PDE10A: variants seen among roughly 807,000 people sequenced by gnomAD.
PDE10A encodes cAMP and cAMP-inhibited cGMP 3',5'-cyclic phosphodiesterase 10A.
PDE10A carries 39 observed loss-of-function variants against 97.7 expected under a neutral mutation model. The ratio of observed to expected loss-of-function variants is 0.40; its 90% CI spans 0.31 to 0.52. The LOEUF is 0.52. PDE10A is among the 20% of genes least tolerant of loss of function. PDE10A has a pLI of 0.56. For synonymous variants in PDE10A, 371 were observed against 376.8 expected (o/e 0.98, Z 0.18); for missense variants, 731 against 1,047.8 (o/e 0.70, Z 4.17).
At chr6:165,444,989 ATTT>A (rs3082849) in intron 5 of PDE10A, among the ~76,000 whole-genome samples, 35,329 of 151,914 alleles carry the variant, frequency 0.23, 4,286 homozygotes, top group South Asian at 0.34. Flanking sequence ...ATAGTATATA[ATTT>A]TTGTTGTGAA....
At chr6:165,664,991 AT>A (rs1377097436), upstream of PDE10A, among the ~76,000 whole-genome samples, 1 of 152,234 alleles carries the variant, frequency 6.6e-6, no homozygotes, top group Non-Finnish European at 1.5e-5. Context: ...CCCTTATTAA[AT>A]CAGGAGGCAA....
In PDE10A at chr6:165,329,371, T is replaced by C. The variant is rs1781217058; in HGVS notation, c.*3654A>G. On this transcript the variant is annotated 3_prime_UTR_variant, in exon 22 of 22. Coordinates refer to ENST00000539869, the MANE Select transcript of PDE10A (RefSeq NM_001385079.1). ...CTTGATAAAATGAATTGTGCGTTCC[T>C]GCAAATATTTTCAATTATACTTAAG... The C allele has an allele frequency of 6.6e-6, 1 of 152,214 alleles. No individual in the cohort carries two copies. Among genetic ancestry groups the C allele is most frequent in the Non-Finnish European group, 1.5e-5 (1 of 68,034 alleles). 9.4% of individuals were successfully genotyped at this position (152,214 alleles called of 1,614,324 possible). A position where few individuals can be genotyped will look rare whatever the true frequency, so the allele number is the denominator to read the frequency against.
At chr6:165,814,101 A>G (rs1216985235) in intron 1 of PDE10A, among the ~76,000 whole-genome samples, 1 of 152,246 alleles carries the variant, frequency 6.6e-6, no homozygotes, top group Non-Finnish European at 1.5e-5. Context: ...GTTATGAAAT[A>G]CACGGTATAT....
At chr6:165,932,959 G>A (rs1006857735) in intron 1 of PDE10A, among the ~76,000 whole-genome samples, 2 of 152,214 alleles carry the variant, frequency 1.3e-5, no homozygotes, top group African/African-American at 2.4e-5. Flanking sequence ...GACCAAAGAG[G>A]AGGGAGAGAG....
chr6:165,594,000 T>C (rs978505132), intron 1 of PDE10A, among the ~76,000 whole-genome samples: 1 of 152,244 alleles, frequency 6.6e-6, no homozygotes, highest in Non-Finnish European at 1.5e-5. Context: ...CCAATTACTT[T>C]GTATAATATT....
At position 165,423,736 on chromosome 6, in the gene PDE10A, G is replaced by A. The variant is rs374650688; in HGVS notation, c.1653+4922C>T. Among the ~76,000 whole-genome samples, 14 of 151,716 alleles carry A rather than the reference G, an allele frequency of 9.2e-5. No homozygotes were observed. The East Asian group carries it at 1.5e-3, about 17-fold the overall frequency. ...AAAAATTAAGCAGGTGTGGTGGCGC[G>A]TGCCTGTAGTCCCAGCTACTCGGGA... On this transcript the variant is annotated intron_variant, in intron 10 of 21. Coordinates refer to ENST00000539869, the MANE Select transcript of PDE10A (RefSeq NM_001385079.1).
chr6:165,412,593 A>G (rs568806933), intron 13 of PDE10A, among the ~76,000 whole-genome samples: 4 of 152,134 alleles, frequency 2.6e-5, no homozygotes, highest in Non-Finnish European at 5.9e-5. Context: ...GTGAGGAGAG[A>G]GGACGGGTAC....
intron 1 of PDE10A, among the ~76,000 whole-genome samples, chr6:165,980,131 T>C (rs1416954390): frequency 6.6e-6 from 1 of 152,256 alleles, no homozygotes; most frequent in Non-Finnish European, 1.5e-5. Context: ...CAGCTGGGAC[T>C]TTCTACATTT....
intron 1 of PDE10A, among the ~76,000 whole-genome samples, chr6:165,768,299 A>AT (rs1052677852): frequency 1.5e-4 from 23 of 150,540 alleles, no homozygotes; most frequent in East Asian, 9.8e-4. Flanking sequence ...CAGTTTGTCT[A>AT]TTTTTTTTTC....
chr6:165,570,322 A>C (rs1198124783), intron 1 of PDE10A, among the ~76,000 whole-genome samples: 1 of 152,214 alleles, frequency 6.6e-6, no homozygotes, highest in East Asian at 1.9e-4. Context: ...CTGATATCTA[A>C]AACAAGCAAA....
Position 165,484,794 on chromosome 6 carries a change from T to C in PDE10A, c.995-2451A>G, listed in dbSNP as rs1219695358. Among the ~76,000 whole-genome samples, 3 of 152,200 alleles carry C rather than the reference T, an allele frequency of 2.0e-5. No homozygotes were observed. The East Asian group carries it at 5.8e-4, about 29-fold the overall frequency. The stretch of plus-strand genomic sequence containing the variant: ...GCTTTAACTCAGAATCTGACACTTA[T>C]TTAGTCCACGTGTGACTTGCCTATT... On this transcript the variant is annotated intron_variant, in intron 2 of 21. Coordinates refer to ENST00000539869, the MANE Select transcript of PDE10A (RefSeq NM_001385079.1).
At chr6:165,718,343 A>G (rs2128447819) in intron 1 of PDE10A, 1 of 152,350 alleles carries the variant, frequency 6.6e-6, no homozygotes, top group South Asian at 2.1e-4. Flanking sequence ...GAGCACTAAA[A>G]GAAAATTCTT....
intron 18 of PDE10A, among the ~76,000 whole-genome samples, chr6:165,375,909 T>C (rs2128205346): frequency 6.6e-6 from 1 of 152,322 alleles, no homozygotes; most frequent in South Asian, 2.1e-4. Context: ...AAGCCTACTA[T>C]CAAAACTTAC....
Position 165,689,809 on chromosome 6 carries a change from G to A in PDE10A, c.-614-146241C>T, listed in dbSNP as rs118132935. ...CAACACAAAATGGACTAAGACAATCGCTAAAGTGTCCAGCCCATGGTACGA... is the reference window on the plus strand; with the variant it reads ...CAACACAAAATGGACTAAGACAATCACTAAAGTGTCCAGCCCATGGTACGA... On this transcript the variant is annotated intron_variant, in intron 1 of 19. Transcript: ENST00000366882. Among the ~76,000 whole-genome samples the A allele has an allele frequency of 2.9e-3, 437 of 152,136 alleles. 2 individuals carry two copies. The highest frequency in any genetic ancestry group is 5.0e-3 in the Non-Finnish European group (338 of 68,000).
At chr6:165,925,603 C>T (rs2118353) in intron 1 of PDE10A, among the ~76,000 whole-genome samples, 90,596 of 152,106 alleles carry the variant, frequency 0.6, 27,818 homozygotes, top group African/African-American at 0.74. Flanking sequence ...ATGTGGAGTA[C>T]AGAAAGCAAA....
chr6:165,888,986 T>C (rs1781705433), intron 1 of PDE10A, among the ~76,000 whole-genome samples: 1 of 150,122 alleles, frequency 6.7e-6, no homozygotes, highest in African/African-American at 2.5e-5. Context: ...TACCTTAGTT[T>C]TTAAAATTCC....
chr6:165,379,637 G>A (rs567864521), intron 17 of PDE10A, among the ~76,000 whole-genome samples: 95 of 152,096 alleles, frequency 6.2e-4, no homozygotes, highest in African/African-American at 2.2e-3. Context: ...AAACCCCAGT[G>A]ATTTAAATAT....
At chr6:165,981,774 A>G (rs1785025607) in intron 1 of PDE10A, among the ~76,000 whole-genome samples, 1 of 152,234 alleles carries the variant, frequency 6.6e-6, no homozygotes, top group Admixed American at 6.5e-5. Flanking sequence ...TGTCTTTAAC[A>G]TTGATTTCCT....
intron 2 of PDE10A, among the ~76,000 whole-genome samples, chr6:165,504,961 A>T (rs1243402315): frequency 6.6e-6 from 1 of 152,176 alleles, no homozygotes; most frequent in East Asian, 1.9e-4. Context: ...TGCGGTTCCC[A>T]CTTTCCTGAG....
Sources: allele counts gnomAD v4.1 joint callset (sites outside exome capture counted in the v4.1 genomes callset), GRCh38; gene constraint gnomAD v4.1.1; transcripts MANE v1.5; gene names NCBI Gene and HGNC (gene_info 2026-07-23, HGNC 2026-07-21).